NCALD: variants seen among roughly 807,000 people sequenced by gnomAD.
NCALD encodes neurocalcin delta, also known as neurocalcin-delta.
Under a neutral mutation model 18.6 loss-of-function variants are expected in NCALD, and 10 were observed. The ratio of observed to expected loss-of-function variants is 0.54; its 90% CI spans 0.33 to 0.91. The LOEUF is 0.91. Ranked by LOEUF, NCALD falls within the 40% of genes least tolerant of loss-of-function variation. NCALD has a pLI of 0.03. For synonymous variants in NCALD, 88 were observed against 87.4 expected, an observed-to-expected ratio of 1.01 and a Z score of -0.04; for missense variants, 184 against 247.6, an observed-to-expected ratio of 0.74 and a Z score of 1.72.
At chr8:101,801,867 CCT>C (rs1324815767) in intron 4 of NCALD, among the ~76,000 whole-genome samples, 1 of 151,676 alleles carries the variant, frequency 6.6e-6, no homozygotes, top group African/African-American at 2.4e-5. Flanking sequence ...GGGGTTTCAC[CCT>C]GTTAGCCAGG....
intron 1 of NCALD, among the ~76,000 whole-genome samples, chr8:102,077,341 G>T (rs896239590): frequency 6.6e-6 from 1 of 152,170 alleles, no homozygotes; most frequent in African/African-American, 2.4e-5. Flanking sequence ...TGTGTCCATG[G>T]ATGGGAGCAT....
At chr8:101,850,110 G>A (rs1815031023) in intron 4 of NCALD, among the ~76,000 whole-genome samples, 1 of 152,176 alleles carries the variant, frequency 6.6e-6, no homozygotes, top group Non-Finnish European at 1.5e-5. Context: ...CAGTCACTGT[G>A]CTTTGGAGTC....
chr8:102,107,215 TATATATATATATATATATATATATAC>T (rs1385046691), intron 1 of NCALD, among the ~76,000 whole-genome samples: 1 of 125,516 alleles, frequency 8.0e-6, no homozygotes, highest in Non-Finnish European at 1.6e-5. Context: ...TATATATATA[TATATATATATATATATATATATATAC>T]ACATAGAAAT....
chr8:101,756,234 T>G (rs190837277), intron 1 of NCALD, among the ~76,000 whole-genome samples: 1 of 152,168 alleles, frequency 6.6e-6, no homozygotes, highest in Admixed American at 6.5e-5. Context: ...AAAAGCTGGT[T>G]CACTGTTTTG....
At chr8:101,903,059 C>A (rs1029572548) in intron 3 of NCALD, among the ~76,000 whole-genome samples, 3 of 152,170 alleles carry the variant, frequency 2.0e-5, no homozygotes, top group South Asian at 2.1e-4. Flanking sequence ...GCTGCTTATG[C>A]GTGCTCCTTC....
chr8:102,078,112 C>T (rs1824406506), intron 1 of NCALD, among the ~76,000 whole-genome samples: 1 of 152,132 alleles, frequency 6.6e-6, no homozygotes, highest in Non-Finnish European at 1.5e-5. Context: ...CCCTGTCTTC[C>T]CTCATGTCTA....
intron 1 of NCALD, among the ~76,000 whole-genome samples, chr8:102,060,194 G>A (rs917950176): frequency 6.7e-6 from 1 of 148,594 alleles, no homozygotes; most frequent in South Asian, 2.1e-4. Context: ...TGTTAGCCAG[G>A]ATGGTCTTGA....
chr8:101,810,944 G>A (rs903604185), intron 4 of NCALD, among the ~76,000 whole-genome samples: 1 of 151,882 alleles, frequency 6.6e-6, no homozygotes, highest in Admixed American at 6.6e-5. Flanking sequence ...CCGCTCCTGG[G>A]AATATTTTAA....
chr8:101,953,130 A>G (rs1378703570), intron 2 of NCALD, among the ~76,000 whole-genome samples: 1 of 152,072 alleles, frequency 6.6e-6, no homozygotes, highest in Admixed American at 6.5e-5. Flanking sequence ...GGACAATCAC[A>G]TTCACATTTG....
chr8:101,950,570 A>G (rs1342344580), intron 2 of NCALD, among the ~76,000 whole-genome samples: 4 of 152,172 alleles, frequency 2.6e-5, no homozygotes, highest in African/African-American at 7.2e-5. Flanking sequence ...AGCAGAATGT[A>G]TATCTGTGCC....
At chr8:101,781,814 T>C (rs1812024352) in intron 1 of NCALD, among the ~76,000 whole-genome samples, 1 of 152,044 alleles carries the variant, frequency 6.6e-6, no homozygotes, top group Non-Finnish European at 1.5e-5. Context: ...ATTGTACATA[T>C]ATGTTATATA....
At chr8:102,086,840 T>C (rs1339786077) in intron 1 of NCALD, among the ~76,000 whole-genome samples, 1 of 152,138 alleles carries the variant, frequency 6.6e-6, no homozygotes, top group Non-Finnish European at 1.5e-5. Flanking sequence ...ATATTGCTGA[T>C]AAAACAGGTT....
intron 4 of NCALD, among the ~76,000 whole-genome samples, chr8:101,798,066 T>C (rs573574083): frequency 6.6e-6 from 1 of 152,268 alleles, no homozygotes; most frequent in Non-Finnish European, 1.5e-5. Context: ...TACTTAATAG[T>C]GAGAGTAAAT....
intron 4 of NCALD, among the ~76,000 whole-genome samples, chr8:101,844,321 A>C (rs1814775761): frequency 6.6e-6 from 1 of 151,994 alleles, no homozygotes; most frequent in Non-Finnish European, 1.5e-5. Flanking sequence ...TGAATTGTCA[A>C]TATCATGTGC....
At chr8:101,791,354 TAACA>T (rs1812439283), upstream of NCALD, among the ~76,000 whole-genome samples, 1 of 152,124 alleles carries the variant, frequency 6.6e-6, no homozygotes, top group Non-Finnish European at 1.5e-5. Flanking sequence ...TCTTTCTCTA[TAACA>T]AAAGGAAAGA....
intron 1 of NCALD, among the ~76,000 whole-genome samples, chr8:101,727,128 T>C (rs1209232159): frequency 6.6e-6 from 1 of 152,196 alleles, no homozygotes; most frequent in Non-Finnish European, 1.5e-5. Flanking sequence ...TTTCTCTGAA[T>C]CTTGTGCTCT....
intron 1 of NCALD, among the ~76,000 whole-genome samples, chr8:102,085,906 A>G (rs1295649422): frequency 2.0e-5 from 3 of 152,178 alleles, no homozygotes; most frequent in African/African-American, 7.2e-5. Context: ...ACTGCCTTCC[A>G]TATTTCAAAA....
At chr8:101,718,185 G>A (rs1392947765) in intron 2 of NCALD, among the ~76,000 whole-genome samples, 3 of 152,128 alleles carry the variant, frequency 2.0e-5, no homozygotes, top group Non-Finnish European at 4.4e-5. Context: ...AATGGACTGA[G>A]GTGCTTTACA....
chr8:101,898,521 C>A (rs960397985), intron 3 of NCALD, among the ~76,000 whole-genome samples: 2 of 152,038 alleles, frequency 1.3e-5, no homozygotes, highest in African/African-American at 4.8e-5. Context: ...TGGATGAAGT[C>A]CAATTTATTG....
Sources: allele counts gnomAD v4.1 joint callset (sites outside exome capture counted in the v4.1 genomes callset), GRCh38; gene constraint gnomAD v4.1.1; transcripts MANE v1.5; gene names NCBI Gene and HGNC (gene_info 2026-07-23, HGNC 2026-07-21).